NUBPL: variants seen among roughly 807,000 people sequenced by gnomAD.
NUBPL encodes the protein NUBP iron-sulfur cluster assembly factor, mitochondrial.
NUBPL carries 31 observed loss-of-function variants against 45.7 expected under a neutral mutation model. The observed-to-expected ratio is 0.68, with a 90% CI of 0.51 to 0.92. The LOEUF is 0.92. NUBPL is among the 40% of genes least tolerant of loss of function. NUBPL has a pLI of 0.00. For missense variants in NUBPL, 401 were observed against 398.7 expected, an observed-to-expected ratio of 1.01 and a Z score of -0.05; for synonymous variants, 144 against 140.9, an observed-to-expected ratio of 1.02 and a Z score of -0.15.
intron 6 of NUBPL, 78 bp from the exon 7 acceptor site, chr14:31,787,702 T>C (rs2039308546): frequency 1.1e-6 from 1 of 937,240 alleles, no homozygotes; most frequent in Non-Finnish European, 1.8e-6. Flanking sequence ...ATATTTGTTA[T>C]TAACACATTA....
intron 7 of NUBPL, among the ~76,000 whole-genome samples, chr14:31,815,016 A>G (rs1030736347): frequency 6.6e-5 from 10 of 152,074 alleles, no homozygotes; most frequent in Admixed American, 1.3e-4. Context: ...TCTTGGCTAT[A>G]TGGGCTCTTT....
At chr14:31,656,531 T>C (rs1334329626) in intron 4 of NUBPL, among the ~76,000 whole-genome samples, 3 of 152,138 alleles carry the variant, frequency 2.0e-5, no homozygotes, top group African/African-American at 7.2e-5. Flanking sequence ...GCATTATTAA[T>C]TGGCCTGATT....
intron 10 of NUBPL, among the ~76,000 whole-genome samples, chr14:31,858,831 G>A (rs1049629724): frequency 6.6e-6 from 1 of 152,108 alleles, no homozygotes; most frequent in Non-Finnish European, 1.5e-5. Flanking sequence ...ACTAGACTGG[G>A]TTGCTAGTTT....
chr14:31,745,129 G>A (rs1025158002), intron 6 of NUBPL, among the ~76,000 whole-genome samples: 8 of 151,382 alleles, frequency 5.3e-5, no homozygotes, highest in African/African-American at 1.9e-4. Context: ...GTATACATGC[G>A]CCATGTTGGT....
intron 10 of NUBPL, among the ~76,000 whole-genome samples, chr14:31,856,331 C>T (rs2040619166): frequency 6.6e-6 from 1 of 152,088 alleles, no homozygotes; most frequent in South Asian, 2.1e-4. Context: ...CACCTCCCAC[C>T]AGGTTCTTCC....
intron 4 of NUBPL, among the ~76,000 whole-genome samples, chr14:31,649,012 GT>G (rs1418644181): frequency 6.6e-6 from 1 of 152,138 alleles, no homozygotes; most frequent in Non-Finnish European, 1.5e-5. Context: ...GTTTCACCAT[GT>G]TGGACAGGAT....
intron 6 of NUBPL, among the ~76,000 whole-genome samples, chr14:31,707,405 C>G (rs2037477234): frequency 6.6e-6 from 1 of 152,228 alleles, no homozygotes; most frequent in Non-Finnish European, 1.5e-5. Flanking sequence ...CTCTTTCTTT[C>G]TCTTTGACTT....
chr14:31,608,837 G>T (rs2034674562), intron 4 of NUBPL, among the ~76,000 whole-genome samples: 1 of 152,136 alleles, frequency 6.6e-6, no homozygotes, highest in Admixed American at 6.5e-5. Flanking sequence ...GCCACAGACT[G>T]GTACTGGTTT....
chr14:31,830,946 T>C (rs981723053), intron 8 of NUBPL, among the ~76,000 whole-genome samples: 4 of 152,236 alleles, frequency 2.6e-5, no homozygotes, highest in Non-Finnish European at 4.4e-5. Context: ...GAGAACATTT[T>C]AACCTCACTT....
intron 4 of NUBPL, among the ~76,000 whole-genome samples, chr14:31,600,418 A>C (rs1001006847): frequency 6.6e-6 from 1 of 152,138 alleles, no homozygotes; most frequent in Non-Finnish European, 1.5e-5. Flanking sequence ...CCATACAGAC[A>C]CGCCAGTTCA....
chr14:31,844,683 A>G (rs993229332), intron 8 of NUBPL: 1 of 152,188 alleles, frequency 6.6e-6, no homozygotes, highest in Non-Finnish European at 1.5e-5. Flanking sequence ...TTCATTGTGG[A>G]CTATCAGTAC....
intron 4 of NUBPL, among the ~76,000 whole-genome samples, chr14:31,627,391 T>C (rs546383731): frequency 3.3e-5 from 5 of 152,070 alleles, no homozygotes; most frequent in African/African-American, 1.2e-4. Context: ...TTCGGCTTAC[T>C]CTGCTCATCT....
intron 3 of NUBPL, among the ~76,000 whole-genome samples, chr14:31,583,030 T>C (rs1366436321): frequency 6.6e-6 from 1 of 152,218 alleles, no homozygotes; most frequent in African/African-American, 2.4e-5. Flanking sequence ...TTTTTCCTTG[T>C]AGTCCTTGAG....
chr14:31,801,564 T>G (rs1235832056), intron 7 of NUBPL, among the ~76,000 whole-genome samples: 1 of 152,198 alleles, frequency 6.6e-6, no homozygotes, highest in East Asian at 1.9e-4. Flanking sequence ...ATACTGTCAT[T>G]AAACCTACAA....
chr14:31,744,617 C>CTT (rs34367142), intron 6 of NUBPL, among the ~76,000 whole-genome samples: 316 of 103,870 alleles, frequency 3.0e-3, no homozygotes, highest in Middle Eastern at 6.2e-3. Flanking sequence ...TTTGTAGAAT[C>CTT]TTTTTTTTTT....
intron 6 of NUBPL, among the ~76,000 whole-genome samples, chr14:31,719,641 G>A (rs1229121826): frequency 6.6e-6 from 1 of 150,812 alleles, no homozygotes; most frequent in African/African-American, 2.4e-5. Flanking sequence ...GTGCTTTTAG[G>A]TGCATAGCAT....
intron 6 of NUBPL, chr14:31,714,480 T>C: frequency 6.1e-6 from 1 of 163,246 alleles, no homozygotes; most frequent in Non-Finnish European, 1.3e-5. Context: ...CTCAGGAAGC[T>C]TACAATCGTG....
chr14:31,792,098 C>A (rs538740122), intron 7 of NUBPL, among the ~76,000 whole-genome samples: 3 of 152,246 alleles, frequency 2.0e-5, no homozygotes, highest in African/African-American at 7.2e-5. Flanking sequence ...GAGTTTAAAG[C>A]TTATGCTGTT....
At chr14:31,572,429 G>T in intron 3 of NUBPL, among the ~76,000 whole-genome samples, 1 of 152,216 alleles carries the variant, frequency 6.6e-6, no homozygotes, top group South Asian at 2.1e-4. Context: ...GTGAGCCACT[G>T]TGCCTGGCCT....
Sources: gnomAD v4.1 joint callset for allele counts (sites outside exome capture counted in the v4.1 genomes callset) on GRCh38, gnomAD v4.1.1 for gene constraint, MANE v1.5 for transcripts, NCBI Gene and HGNC (gene_info 2026-07-23, HGNC 2026-07-21) for gene names.